CLK1: variants seen among roughly 807,000 people sequenced by gnomAD.
CLK1 encodes the protein CDC like kinase 1.
CLK1 carries 40 observed loss-of-function variants against 60.9 expected under a neutral mutation model. That is an observed-to-expected ratio of 0.66 (90% confidence interval 0.51 to 0.86). The LOEUF (loss-of-function observed/expected upper bound fraction) is 0.86. CLK1 is among the 40% of genes least tolerant of loss of function. CLK1 has a pLI of 0.00. For synonymous variants in CLK1, 203 were observed against 184.4 expected (o/e 1.10, Z -0.82); for missense variants, 563 against 606.1 (o/e 0.93, Z 0.75).
At chr2:200,860,422 T>C (rs572940760) in intron 3 of CLK1, 7 of 1,285,746 alleles carry the variant, frequency 5.4e-6, no homozygotes, top group African/African-American at 1.5e-5. Flanking sequence ...GAGAAAAACA[T>C]GGCAAGGAAC....
chr2:200,860,690 GA>G (rs1270110443), intron 3 of CLK1: 19 of 996,568 alleles, frequency 1.9e-5, no homozygotes, highest in African/African-American at 3.5e-5. Context: ...TAATTTTGGG[GA>G]AAAAAAGATT....
chr2:200,862,459 C>A (rs189078134), intron 1 of CLK1, among the ~76,000 whole-genome samples: 5 of 152,146 alleles, frequency 3.3e-5, no homozygotes, highest in Non-Finnish European at 2.9e-5. Context: ...TAATTCTCCC[C>A]GCCCTTGAGA....
chr2:200,857,883 G>A lies in CLK1; in HGVS notation c.667C>T (p.Arg223Cys), dbSNP rs746571339. The A allele has an allele frequency of 2.1e-5, 34 of 1,611,896 alleles. No homozygotes were observed. In the East Asian group the frequency reaches 3.3e-4, roughly 16 times the overall value. Residue 223 changes from arginine (R) to cysteine (C), a missense_variant and splice_region_variant, in exon 7 of 13, where the codon CGC (arginine) becomes TGC (cysteine). Arg to Cys is a radical substitution (Grantham distance 180). Transcript: ENST00000321356. ...AACCATTCCAACATCTGGACACAGC[G>A]GCTACAAACACATGAAAAATAGCTA... ...LNTTDPNSTF[R>C]CVQMLEWFEH...
chr2:200,864,282 C>A, intron 1 of CLK1: 1 of 1,488,716 alleles, frequency 6.7e-7, no homozygotes, highest in South Asian at 1.3e-5. Context: ...CGTCCCGCGT[C>A]AGGCGGCGCC....
chr2:200,855,441 G>A (rs1363316053), intron 9 of CLK1, among the ~76,000 whole-genome samples: 1 of 152,092 alleles, frequency 6.6e-6, no homozygotes, highest in Non-Finnish European at 1.5e-5. Flanking sequence ...ACTACACGGT[G>A]AAACTCCGTC....
At position 200,857,710 on chromosome 2, in the gene CLK1, G is replaced by C. The variant is rs370569142; in HGVS notation, c.832+8C>G. ...CAGCAAATTAACGAAGATATACCAA[G>C]AACTTACAATTCACAGACTTGCATA... On this transcript the variant is annotated splice_region_variant and intron_variant, in intron 7 of 12. Coordinates refer to ENST00000321356, the MANE Select transcript of CLK1 (RefSeq NM_004071.4). 10 of 1,578,822 alleles carry C rather than the reference G, an allele frequency of 6.3e-6. No individual in the cohort carries two copies. The African/African-American group carries it at 9.5e-5, about 15-fold the overall frequency.
intron 1 of CLK1, chr2:200,864,064 T>A: frequency 6.5e-7 from 1 of 1,537,082 alleles, no homozygotes; most frequent in Non-Finnish European, 8.8e-7. Flanking sequence ...AGACATTAAC[T>A]GTAACCCCTA....
chr2:200,854,261 T>G (rs989168246), intron 11 of CLK1: 4 of 340,040 alleles, frequency 1.2e-5, no homozygotes, highest in East Asian at 6.5e-5. Context: ...TCTGGCCAGG[T>G]GCGGTGGCTC....
At chr2:200,858,387 AGTG>A (rs2039078881) in intron 5 of CLK1, among the ~76,000 whole-genome samples, 1 of 152,230 alleles carries the variant, frequency 6.6e-6, no homozygotes, top group Non-Finnish European at 1.5e-5. Flanking sequence ...GTTAGGATAC[AGTG>A]GGGAAAGAGT....
intron 5 of CLK1, among the ~76,000 whole-genome samples, chr2:200,858,842 T>A (rs76268122): frequency 2.0e-5 from 3 of 147,264 alleles, no homozygotes; most frequent in Admixed American, 6.7e-5. Context: ...AACAGGGAAC[T>A]AAAAAAAAAG....
At chr2:200,855,629 C>CA (rs899018448) in intron 9 of CLK1, among the ~76,000 whole-genome samples, 1 of 148,898 alleles carries the variant, frequency 6.7e-6, no homozygotes, top group East Asian at 2.1e-4. Context: ...CGCCCCCCCC[C>CA]CAAAAAATTA....
intron 3 of CLK1, chr2:200,860,839 A>G: frequency 9.6e-7 from 1 of 1,045,962 alleles, no homozygotes; most frequent in Non-Finnish European, 1.2e-6. Flanking sequence ...TTGTTAGAAC[A>G]AAGAAGCATA....
intron 5 of CLK1, 36 bp downstream of exon 5, chr2:200,859,644 A>G (rs1262240896): frequency 1.2e-5 from 19 of 1,575,500 alleles, no homozygotes; most frequent in African/African-American, 5.4e-5. Flanking sequence ...TGTATTGCCA[A>G]CTTCCCTAAA....
intron 7 of CLK1, 193 bp from the exon 8 acceptor site, chr2:200,857,178 T>C (rs1443723582): frequency 7.0e-6 from 4 of 569,826 alleles, no homozygotes; most frequent in Non-Finnish European, 1.3e-5. Context: ...TGGTGGCGTG[T>C]GCCTGTAGTC....
intron 4 of CLK1, 44 bp downstream of exon 4, chr2:200,860,078 GATT>G: frequency 6.3e-7 from 1 of 1,599,858 alleles, no homozygotes; most frequent in South Asian, 1.1e-5. Context: ...TCTATATATA[GATT>G]ATGTTATCTG....
chr2:200,862,598 C>G (rs2039158435), intron 1 of CLK1, among the ~76,000 whole-genome samples: 1 of 152,224 alleles, frequency 6.6e-6, no homozygotes, highest in South Asian at 2.1e-4. Flanking sequence ...ACTCAGCCCG[C>G]CTGCACCCAG....
In CLK1 at chr2:200,861,709, A is replaced by G. The variant is rs770096870; in HGVS notation, c.154T>C (p.Cys52Arg). 3 of 1,613,834 alleles carry G rather than the reference A, an allele frequency of 1.9e-6. No individual in the cohort carries two copies. In the Admixed American group the frequency reaches 5.0e-5, roughly 27 times the overall value. ...TTTAAGTATCCTCCTTACCTATCAC[A>G]CATTTTAGAGTGATTGTATTTGCAG... ...KRCKYNHSKM[C>R]DSHYLESRSI... is the part of the protein sequence containing the mutation. Residue 52 changes from cysteine to arginine, a missense_variant, in exon 2 of 13, where the codon TGT becomes CGT. Cys to Arg is a radical substitution (Grantham distance 180). Coordinates refer to ENST00000321356, the MANE Select transcript of CLK1 (RefSeq NM_004071.4).
At position 200,853,265 on chromosome 2, in the gene CLK1, A is replaced by G. The variant is rs376963006; in HGVS notation, c.*41T>C. ...TAAAATTTAAAAATTAGACTGATACAGTCTGTAAGATCTCTTCGAGAGAGC... is the reference window on the plus strand; with the variant it reads ...TAAAATTTAAAAATTAGACTGATACGGTCTGTAAGATCTCTTCGAGAGAGC... On this transcript the variant is annotated 3_prime_UTR_variant, in exon 13 of 13. Transcript: ENST00000321356. The G allele has an allele frequency of 1.6e-5, 24 of 1,477,734 alleles. No individual in the cohort carries two copies. The highest frequency in any genetic ancestry group is 2.2e-5 in the Non-Finnish European group (24 of 1,091,576). 91.5% of individuals were successfully genotyped at this position (1,477,734 alleles called of 1,614,324 possible).
chr2:200,862,375 C>T (rs946054063), intron 1 of CLK1, among the ~76,000 whole-genome samples: 1 of 152,158 alleles, frequency 6.6e-6, no homozygotes, highest in Non-Finnish European at 1.5e-5. Context: ...CCTAACTGAT[C>T]AATATACTTT....
Sources: gnomAD v4.1 joint callset for allele counts (sites outside exome capture counted in the v4.1 genomes callset) on GRCh38, gnomAD v4.1.1 for gene constraint, MANE v1.5 for transcripts, NCBI Gene and HGNC (gene_info 2026-07-23, HGNC 2026-07-21) for gene names.